The following RFC3 variants were observed in gnomAD, a reference collection of about 807,000 sequenced individuals.
RFC3 encodes replication factor C subunit 3.
Under a neutral mutation model 45.1 loss-of-function variants are expected in RFC3, and 41 were observed. The ratio of observed to expected loss-of-function variants is 0.91; its 90% CI spans 0.71 to 1.18. RFC3 has a LOEUF of 1.18. RFC3 is among the 50% of genes most tolerant of loss of function. RFC3 has a pLI of 0.00. For missense variants in RFC3, 423 were observed against 428.1 expected (o/e 0.99, Z 0.10); for synonymous variants, 149 against 144.0 (o/e 1.03, Z -0.25).
chr13:33,964,897 A>G (rs2083078172), intron 8 of RFC3, among the ~76,000 whole-genome samples: 1 of 152,250 alleles, frequency 6.6e-6, no homozygotes, highest in Admixed American at 6.5e-5. Context: ...TATTTTAAGA[A>G]ACACAAAGAG....
At chr13:33,869,528 A>C (rs556440843) in intron 8 of RFC3, among the ~76,000 whole-genome samples, 1 of 152,294 alleles carries the variant, frequency 6.6e-6, no homozygotes, top group South Asian at 2.1e-4. Context: ...CAGGAAGATT[A>C]ATGTTTATCT....
At chr13:33,971,866 C>T in the RFC3 span, among the ~76,000 whole-genome samples, 2 of 152,168 alleles carry the variant, frequency 1.3e-5, no homozygotes, top group Non-Finnish European at 2.9e-5. Flanking sequence ...AATCCTAGTA[C>T]TTTGGGAGGT....
intron 8 of RFC3, among the ~76,000 whole-genome samples, chr13:33,863,929 T>G (rs2082357504): frequency 6.6e-6 from 1 of 152,214 alleles, no homozygotes; most frequent in Non-Finnish European, 1.5e-5. Context: ...TTAGTCCATT[T>G]GCACTGCTAT....
At chr13:33,968,244 C>G (rs192006264), downstream of RFC3, among the ~76,000 whole-genome samples, 25 of 152,328 alleles carry the variant, frequency 1.6e-4, no homozygotes, top group Non-Finnish European at 1.0e-4. Context: ...TCTCCTGTCT[C>G]AGCCTCCCAA....
rs573629331 is a variant in RFC3 at position 33,914,649 on chromosome 13, ATTAT to A, written c.880-51433_880-51430del. ...CTTGTATGAAGATATTTATTGTGGA[ATTAT>A]TTATAAGAATAAATTGGAAACAAAT... is the stretch of plus-strand genomic sequence containing the variant. On this transcript the variant is annotated intron_variant, in intron 8 of 8. Coordinates refer to the RFC3 transcript ENST00000434425. Among the ~76,000 whole-genome samples, 9 of 152,276 alleles carry A rather than the reference ATTAT, an allele frequency of 5.9e-5. No homozygotes were observed. In the East Asian group the frequency reaches 1.7e-3, roughly 29 times the overall value.
At chr13:33,886,406 C>T (rs924408139) in intron 8 of RFC3, among the ~76,000 whole-genome samples, 9 of 151,836 alleles carry the variant, frequency 5.9e-5, no homozygotes, top group East Asian at 1.9e-4. Context: ...ATTAGCCGGT[C>T]GTGGTGGTGG....
At chr13:33,969,913 T>G (rs907441207), downstream of RFC3, among the ~76,000 whole-genome samples, 1 of 151,334 alleles carries the variant, frequency 6.6e-6, no homozygotes, top group Non-Finnish European at 1.5e-5. Context: ...CAGATTTGTT[T>G]TTTTTTTTTT....
intron 8 of RFC3, among the ~76,000 whole-genome samples, chr13:33,843,207 T>TG (rs1390000580): frequency 2.0e-5 from 3 of 151,398 alleles, no homozygotes; most frequent in Admixed American, 1.3e-4. Context: ...TTGCTCCTGT[T>TG]TTTTTTTTTC....
At chr13:33,908,605 G>GGT (rs1180322390) in intron 8 of RFC3, among the ~76,000 whole-genome samples, 1 of 94,448 alleles carries the variant, frequency 1.1e-5, no homozygotes, top group Admixed American at 1.3e-4. Flanking sequence ...ACACACAGGA[G>GGT]ATACACACAC....
intron 8 of RFC3, among the ~76,000 whole-genome samples, chr13:33,932,147 AT>A (rs1462865734): frequency 6.6e-6 from 1 of 152,106 alleles, no homozygotes; most frequent in Non-Finnish European, 1.5e-5. Flanking sequence ...GAAATTTACC[AT>A]CTCAATAGTC....
At chr13:33,910,662 G>A (rs2082698476) in intron 8 of RFC3, among the ~76,000 whole-genome samples, 1 of 152,072 alleles carries the variant, frequency 6.6e-6, no homozygotes, top group Non-Finnish European at 1.5e-5. Context: ...ACTTAAAAAC[G>A]CAATAGGCTA....
downstream of RFC3, among the ~76,000 whole-genome samples, chr13:33,967,414 T>C (rs1376885357): frequency 6.6e-6 from 1 of 151,902 alleles, no homozygotes; most frequent in Non-Finnish European, 1.5e-5. Context: ...GAGTACAATA[T>C]ATATGAGTCC....
At chr13:33,856,914 G>A (rs1382648207) in intron 8 of RFC3, among the ~76,000 whole-genome samples, 1 of 152,168 alleles carries the variant, frequency 6.6e-6, no homozygotes, top group Non-Finnish European at 1.5e-5. Flanking sequence ...GAGACAGGTG[G>A]TTACTGGAGG....
chr13:33,821,493 G>A (rs1168822758), intron 2 of RFC3, among the ~76,000 whole-genome samples: 1 of 152,192 alleles, frequency 6.6e-6, no homozygotes, highest in Non-Finnish European at 1.5e-5. Context: ...AGGGTTTGGG[G>A]TAAAATGTAG....
At chr13:33,838,931 T>C (rs1033285694), downstream of RFC3, among the ~76,000 whole-genome samples, 2 of 152,186 alleles carry the variant, frequency 1.3e-5, no homozygotes, top group African/African-American at 4.8e-5. Context: ...AGATGTCAGC[T>C]GTGTAATTTG....
intron 8 of RFC3, among the ~76,000 whole-genome samples, chr13:33,845,426 G>C (rs933386966): frequency 6.6e-6 from 1 of 152,070 alleles, no homozygotes; most frequent in African/African-American, 2.4e-5. Flanking sequence ...CCCTCTTGAA[G>C]ATATTTTCTA....
rs544662894 is a variant in RFC3, at chr13:33,892,229, G to A, written c.879+57012G>A. On this transcript the variant is annotated intron_variant, in intron 8 of 8. Coordinates refer to the RFC3 transcript ENST00000434425. Reference sequence around the variant, plus strand: ...GTGTTGCCTTGAATGAAGCAGGTAAGCTAAGCTTAACTAAGACAAAAATTA... The same window carrying A: ...GTGTTGCCTTGAATGAAGCAGGTAAACTAAGCTTAACTAAGACAAAAATTA... Among the ~76,000 whole-genome samples, 27 of 152,236 alleles carry A rather than the reference G, an allele frequency of 1.8e-4. No homozygotes were observed. The South Asian group carries it at 5.4e-3, about 30-fold the overall frequency.
At chr13:33,931,295 G>A (rs1174237480) in intron 8 of RFC3, among the ~76,000 whole-genome samples, 1 of 152,078 alleles carries the variant, frequency 6.6e-6, no homozygotes, top group African/African-American at 2.4e-5. Flanking sequence ...TAAACCAGTG[G>A]TTCTCAGACT....
At chr13:33,925,611 GTGTACTATATACATACATATA>G (rs2082805821) in intron 8 of RFC3, among the ~76,000 whole-genome samples, 1 of 147,476 alleles carries the variant, frequency 6.8e-6, no homozygotes, top group African/African-American at 2.5e-5. Flanking sequence ...TACATATATA[GTGTACTATATACATACATATA>G]TATGTATATG....
Sources: allele counts gnomAD v4.1 joint callset (sites outside exome capture counted in the v4.1 genomes callset), GRCh38; gene constraint gnomAD v4.1.1; transcripts MANE v1.5; gene names NCBI Gene and HGNC (gene_info 2026-07-23, HGNC 2026-07-21).